The following SLC16A3 variants were observed in gnomAD, a reference collection of about 807,000 sequenced individuals.
The protein encoded by SLC16A3 is monocarboxylate transporter 4.
A neutral mutation model predicts 25.0 loss-of-function variants in SLC16A3; 22 were observed. The observed-to-expected ratio is 0.88, with a 90% CI of 0.63 to 1.26. The LOEUF (loss-of-function observed/expected upper bound fraction) is 1.26, where lower values mean the gene tolerates loss of function less well. Ranked by LOEUF, SLC16A3 falls within the 50% of genes most tolerant of loss-of-function variation. The pLI, the probability that SLC16A3 is intolerant of heterozygous loss-of-function variation, is 0.00. For synonymous variants in SLC16A3, 390 were observed against 309.2 expected, an observed-to-expected ratio of 1.26 and a Z score of -2.74; for missense variants, 731 against 666.6, an observed-to-expected ratio of 1.10 and a Z score of -1.06.
chr17:82,236,124 C>G lies in SLC16A3; in HGVS notation c.116C>G (p.Pro39Arg). ...FVITGFSYAF[P>R]KAVSVFFKEL... is the part of the protein sequence containing the mutation. ...ATCACTGGCTTCTCCTACGCCTTCC[C>G]CAAGGCCGTCAGTGTCTTCTTCAAG... The change falls in exon 2 of 5, where the codon CCC becomes CGC. Residue 39 changes from proline to arginine, a missense_variant. Pro to Arg is a moderately radical substitution (Grantham distance 103). Transcript: ENST00000582743. 6.2e-7 allele frequency: 1 copy of G among 1,613,278 alleles called. No individual in the cohort carries two copies. The highest frequency in any genetic ancestry group is 1.1e-5 in the South Asian group (1 of 91,092).
chr17:82,237,649 CTCCG>C lies in SLC16A3; in HGVS notation c.882_885del (p.Val295ThrfsTer66), dbSNP rs759002005. On this transcript the variant is annotated frameshift_variant, in exon 4 of 5. Coordinates refer to ENST00000582743, the MANE Select transcript of SLC16A3 (RefSeq NM_004207.4). LOFTEE classifies it high-confidence loss of function. ...CGGGGCTTGGGAAGGTGCGGCCCTA[CTCCG>C]TCTACCTCTTCAGCTTCTCCATGTT... 8.1e-6 allele frequency: 13 copies of C among 1,612,862 alleles called. No homozygotes were observed. Among genetic ancestry groups the C allele is most frequent in the Non-Finnish European group, 1.1e-5 (13 of 1,179,924 alleles).
Position 82,236,194 on chromosome 17 carries a change from G to C in SLC16A3, c.186G>C (p.Trp62Cys), listed in dbSNP as rs376724378. 3.7e-5 allele frequency: 60 copies of C among 1,612,880 alleles called. No homozygotes were observed. The highest frequency in any genetic ancestry group is 4.9e-5 in the Non-Finnish European group (58 of 1,179,970). ...EFGIGYSDTA[W>C]ISSILLAMLY... ...GGATCGGCTACAGCGACACAGCCTG[G>C]ATCTCCTCCATCCTGCTGGCCATGC... Residue 62 changes from tryptophan (W) to cysteine (C), a missense_variant, in exon 2 of 5, where the codon TGG becomes TGC. Coordinates refer to ENST00000582743, the MANE Select transcript of SLC16A3 (RefSeq NM_004207.4).
Position 82,237,287 on chromosome 17 carries a change from C to A in SLC16A3, c.517C>A (p.Arg173Ser), listed in dbSNP as rs940545976. The A allele has an allele frequency of 1.3e-6, 2 of 1,562,838 alleles. No individual in the cohort carries two copies. The highest frequency in any genetic ancestry group is 2.3e-5 in the South Asian group (2 of 85,216). The change falls in exon 4 of 5, where the codon CGC becomes AGC. Residue 173 changes from arginine (R) to serine (S), a missense_variant. Coordinates refer to ENST00000582743, the MANE Select transcript of SLC16A3 (RefSeq NM_004207.4). ...CCCGCTGGGGCAGCTGCTGCAGGAC[C>A]GCTACGGCTGGCGGGGCGGCTTCCT... ...LSPLGQLLQD[R>S]YGWRGGFLIL...
intron 3 of SLC16A3, 86 bp from the exon 4 acceptor site, chr17:82,237,052 A>AGCCTGT: frequency 6.9e-7 from 1 of 1,458,238 alleles, no homozygotes; most frequent in South Asian, 1.4e-5. Flanking sequence ...TGGGAGCCTG[A>AGCCTGT]GCCTGTGGGA....
chr17:82,236,254 C>T, intron 2 of SLC16A3, 23 bp downstream of exon 2: 2 of 1,601,692 alleles, frequency 1.2e-6, no homozygotes, highest in Non-Finnish European at 1.7e-6. Context: ...TCACACCGGG[C>T]CCCCTGTCCG....
rs9303026 is a variant in SLC16A3 at position 82,237,706 on chromosome 17, T to C, written c.936T>C (p.Gly312=). ...MFFNGLADLA[G]STAGDYGGLV... is the part of the protein sequence containing the mutation. Reference sequence around the variant, plus strand: ...TCAACGGCCTCGCGGACCTGGCGGGTTCTACGGCGGGCGACTACGGCGGCC... The same window carrying C: ...TCAACGGCCTCGCGGACCTGGCGGGCTCTACGGCGGGCGACTACGGCGGCC... Residue 312 remains glycine, a synonymous_variant, in exon 4 of 5, where the codon GGT becomes GGC. Transcript: ENST00000582743. The C allele has an allele frequency of 1, 1,611,476 of 1,612,916 alleles. 805,019 individuals carry two copies. Among genetic ancestry groups the C allele is most frequent in the Middle Eastern group, 1 (6,062 of 6,062 alleles).
Position 82,238,848 on chromosome 17 carries a change from G to C in SLC16A3, c.1270G>C (p.Ala424Pro). ...PKEPQPEVAA[A>P]EEEKLHKPPA... ...AGAGCCACAGCCTGAGGTGGCGGCCGCGGAGGAGGAGAAGCTCCACAAGCC... is the reference window on the plus strand; with the variant it reads ...AGAGCCACAGCCTGAGGTGGCGGCCCCGGAGGAGGAGAAGCTCCACAAGCC... Residue 424 changes from alanine (A) to proline (P), a missense_variant, in exon 5 of 5, where the codon GCG (alanine) becomes CCG (proline). Ala to Pro is a conservative substitution (Grantham distance 27). Coordinates refer to ENST00000582743, the MANE Select transcript of SLC16A3 (RefSeq NM_004207.4). 6.2e-7 allele frequency: 1 copy of C among 1,612,500 alleles called. No homozygotes were observed. Among genetic ancestry groups the C allele is most frequent in the Non-Finnish European group, 8.5e-7 (1 of 1,179,630 alleles).
rs970990342 is a variant in SLC16A3, at chr17:82,239,991, T to C, written c.*1015T>C. The C allele has an allele frequency of 2.2e-5, 27 of 1,233,560 alleles. No individual in the cohort carries two copies. Among genetic ancestry groups the C allele is most frequent in the Middle Eastern group, 2.1e-4 (1 of 4,862 alleles). The allele number at this position is 1,233,560 out of a possible 1,614,324, so 76.4% of individuals were successfully genotyped here. A position where few individuals can be genotyped will look rare whatever the true frequency, so the allele number is the denominator to read the frequency against. On this transcript the variant is annotated 3_prime_UTR_variant, in exon 5 of 5. Transcript: ENST00000582743. ...GCCGGGGCCCTCAGTAGGTGCGTCG[T>C]GGGCGCTGGGGACGGCAGCGGGTGC... is the stretch of plus-strand genomic sequence containing the variant.
Position 82,237,463 on chromosome 17 carries a change from C to G in SLC16A3, c.693C>G (p.Tyr231Ter). Residue 231 changes from tyrosine (Y) to a stop codon, truncating the protein, a stop_gained, in exon 4 of 5, where the codon TAC becomes TAG. Coordinates refer to ENST00000582743, the MANE Select transcript of SLC16A3 (RefSeq NM_004207.4). LOFTEE classifies it high-confidence loss of function. ...TCCGGGACCGCGGCTTTGTGCTTTA[C>G]GCCGTGGCCGCCTCGGTCATGGTGC... ...SVFRDRGFVLYAVAASVMVLG... is the reference protein window; with the variant it reads ...SVFRDRGFVL 1 of 1,606,434 alleles carries G rather than the reference C, an allele frequency of 6.2e-7. No homozygotes were observed. Among genetic ancestry groups the G allele is most frequent in the Non-Finnish European group, 8.5e-7 (1 of 1,178,332 alleles).
chr17:82,236,773 G>C lies in SLC16A3; in HGVS notation c.268G>C (p.Val90Leu). Residue 90 changes from valine to leucine, a missense_variant, in exon 3 of 5, where the codon GTC (valine) becomes CTC (leucine). Physicochemically the swap from Val to Leu is conservative, Grantham distance 32. Coordinates refer to ENST00000582743, the MANE Select transcript of SLC16A3 (RefSeq NM_004207.4). Reference protein sequence around the residue: ...VCVNRFGCRPVMLVGGLFASL... With the variant: ...VCVNRFGCRPLMLVGGLFASL... ...CGTGAACCGCTTTGGCTGCCGGCCC[G>C]TCATGCTTGTGGGGGGTCTCTTTGC... 6.2e-7 allele frequency: 1 copy of C among 1,608,842 alleles called. No individual in the cohort carries two copies. The highest frequency in any genetic ancestry group is 8.5e-7 in the Non-Finnish European group (1 of 1,179,834).
chr17:82,236,152 G>A lies in SLC16A3; in HGVS notation c.144G>A (p.Glu48=), dbSNP rs757619876. ...AGGCCGTCAGTGTCTTCTTCAAGGAGCTCATACAGGAGTTTGGGATCGGCT... is the reference window on the plus strand; with the variant it reads ...AGGCCGTCAGTGTCTTCTTCAAGGAACTCATACAGGAGTTTGGGATCGGCT... The part of the protein sequence containing the change: ...FPKAVSVFFK[E]LIQEFGIGYS... Residue 48 remains glutamate, a synonymous_variant, in exon 2 of 5, where the codon GAG becomes GAA. Transcript: ENST00000582743. The A allele has an allele frequency of 1.2e-6, 2 of 1,613,170 alleles. No homozygotes were observed. The highest frequency in any genetic ancestry group is 1.7e-6 in the Non-Finnish European group (2 of 1,179,994).
At chr17:82,219,824 C>T (rs2050378302) in intron 1 of SLC16A3, among the ~76,000 whole-genome samples, 1 of 152,172 alleles carries the variant, frequency 6.6e-6, no homozygotes, top group Admixed American at 6.5e-5. Flanking sequence ...GTCTTGACTC[C>T]TCTCCTTCCA....
At chr17:82,221,574 T>C (rs757853146) in intron 1 of SLC16A3, among the ~76,000 whole-genome samples, 7 of 132,206 alleles carry the variant, frequency 5.3e-5, no homozygotes, top group Admixed American at 1.6e-4. Flanking sequence ...GTTCCAAACA[T>C]AAAAGAGAAT....
intron 2 of SLC16A3, 119 bp from the exon 3 acceptor site, chr17:82,236,610 C>T: frequency 3.5e-6 from 5 of 1,438,864 alleles, no homozygotes; most frequent in Non-Finnish European, 4.7e-6. Context: ...GCCCCTGGTG[C>T]CCCGCGGGGG....
chr17:82,233,829 C>T (rs901722184), intron 1 of SLC16A3: 1 of 152,294 alleles, frequency 6.6e-6, no homozygotes, highest in East Asian at 1.9e-4. Flanking sequence ...TCCTCAAGTG[C>T]ATATATTTTT....
At chr17:82,222,102 C>T (rs564602118) in intron 1 of SLC16A3, among the ~76,000 whole-genome samples, 2 of 150,192 alleles carry the variant, frequency 1.3e-5, no homozygotes, top group Admixed American at 6.6e-5. Context: ...CTCCCACGTT[C>T]GTGGAGAGGA....
At position 82,238,728 on chromosome 17, in the gene SLC16A3, T is replaced by C; in HGVS notation, c.1150T>C (p.Tyr384His). ...CAAACTCCTGGATGCGACCCACGTCTACATGTACGTGTTCATCCTGGCGGG... is the reference window on the plus strand; with the variant it reads ...CAAACTCCTGGATGCGACCCACGTCCACATGTACGTGTTCATCCTGGCGGG... ...GGKLLDATHV[Y>H]MYVFILAGAE... Residue 384 changes from tyrosine (Y) to histidine (H), a missense_variant, in exon 5 of 5, where the codon TAC becomes CAC. Tyr to His is a moderately conservative substitution (Grantham distance 83). Transcript: ENST00000582743. 6.2e-7 allele frequency: 1 copy of C among 1,612,076 alleles called. No homozygotes were observed. Among genetic ancestry groups the C allele is most frequent in the Non-Finnish European group, 8.5e-7 (1 of 1,179,728 alleles).
chr17:82,226,438 C>T (rs527329982), upstream of SLC16A3, among the ~76,000 whole-genome samples: 2 of 152,106 alleles, frequency 1.3e-5, no homozygotes, highest in South Asian at 2.1e-4. Flanking sequence ...TGCGGACACA[C>T]GTGGCCTTTC....
chr17:82,227,567 G>T (rs2050431428), upstream of SLC16A3, among the ~76,000 whole-genome samples: 1 of 151,502 alleles, frequency 6.6e-6, no homozygotes, highest in Non-Finnish European at 1.5e-5. Context: ...GGTGCAGGAA[G>T]ATGGGAGCAC....
Sources: gnomAD v4.1 joint callset for allele counts (sites outside exome capture counted in the v4.1 genomes callset) on GRCh38, gnomAD v4.1.1 for gene constraint, MANE v1.5 for transcripts, NCBI Gene and HGNC (gene_info 2026-07-23, HGNC 2026-07-21) for gene names.